RPS6KC1: variants seen among roughly 807,000 people sequenced by gnomAD.
The protein encoded by RPS6KC1 is ribosomal protein S6 kinase C1.
RPS6KC1 carries 54 observed loss-of-function variants against 103.8 expected under a neutral mutation model. That is an observed-to-expected ratio of 0.52 (90% CI 0.42 to 0.65). RPS6KC1 has a LOEUF of 0.65. Ranked by LOEUF, RPS6KC1 falls within the 30% of genes least tolerant of loss-of-function variation. The pLI, the probability that RPS6KC1 is intolerant of heterozygous loss-of-function variation, is 0.00. For missense variants in RPS6KC1, 1,151 were observed against 1,253.8 expected (o/e 0.92, Z 1.24); for synonymous variants, 439 against 438.7 (o/e 1.00, Z -0.01).
chr1:213,756,939 T>G, the RPS6KC1 span, among the ~76,000 whole-genome samples: 1 of 152,128 alleles, frequency 6.6e-6, no homozygotes, highest in Non-Finnish European at 1.5e-5. Context: ...TTATATCTGT[T>G]ATAGTGATCT....
the RPS6KC1 span, among the ~76,000 whole-genome samples, chr1:213,761,296 C>T: frequency 6.6e-6 from 1 of 152,132 alleles, no homozygotes; most frequent in Non-Finnish European, 1.5e-5. Context: ...TGTTGTTTAG[C>T]TCAAAAGCAC....
the RPS6KC1 span, among the ~76,000 whole-genome samples, chr1:213,346,311 A>G: frequency 4.6e-5 from 7 of 152,210 alleles, no homozygotes; most frequent in African/African-American, 1.7e-4. Context: ...AAGGCACAGA[A>G]GACTTAAAAT....
the RPS6KC1 span, among the ~76,000 whole-genome samples, chr1:213,280,323 T>G: frequency 6.6e-6 from 1 of 152,216 alleles, no homozygotes; most frequent in Non-Finnish European, 1.5e-5. Context: ...GTAGACAGCT[T>G]CTGTTACCCA....
chr1:213,355,520 T>G, the RPS6KC1 span, among the ~76,000 whole-genome samples: 1 of 152,166 alleles, frequency 6.6e-6, no homozygotes, highest in African/African-American at 2.4e-5. Context: ...AGTCATTTTT[T>G]GTGATAAGTG....
In RPS6KC1 at chr1:213,232,253, A is replaced by C. The variant is rs2094121610; in HGVS notation, c.1223A>C (p.Glu408Ala). ...GTATTTCTTGTGCTGCAGCATGCGG[A>C]AGGTTGGTTTGTAGTTTGGATTGTT... ...ESVFLVLQHAEGGKLWSYISK... is the reference protein window; with the variant it reads ...ESVFLVLQHAAGGKLWSYISK... Residue 408 changes from glutamate (E) to alanine (A), a missense_variant and splice_region_variant, in exon 10 of 15, where the codon GAA (glutamate) becomes GCA (alanine). Around this residue, in one of 3 missense-constraint regions of RPS6KC1, gnomAD observed 959 missense variants for 1,006.3 expected, o/e 0.95. Coordinates refer to ENST00000366960, the MANE Select transcript of RPS6KC1 (RefSeq NM_012424.6). 1 of 1,613,840 alleles carries C rather than the reference A, an allele frequency of 6.2e-7. No homozygotes were observed. The highest frequency in any genetic ancestry group is 2.2e-5 in the East Asian group (1 of 44,876).
chr1:213,601,164 C>G, the RPS6KC1 span, among the ~76,000 whole-genome samples: 1 of 151,926 alleles, frequency 6.6e-6, no homozygotes, highest in Non-Finnish European at 1.5e-5. Context: ...AGATCTGATT[C>G]AATCAAAATG....
the RPS6KC1 span, among the ~76,000 whole-genome samples, chr1:213,788,609 G>A: frequency 6.6e-6 from 1 of 152,064 alleles, no homozygotes; most frequent in Non-Finnish European, 1.5e-5. Context: ...AGAACTACAG[G>A]AAACTTCAGA....
the RPS6KC1 span, among the ~76,000 whole-genome samples, chr1:213,551,372 AAAGGAGCCCT>A: frequency 1.3e-5 from 2 of 152,166 alleles, no homozygotes; most frequent in African/African-American, 4.8e-5. Flanking sequence ...ACCAGGAAGT[AAAGGAGCCCT>A]CCACGGTGGT....
the RPS6KC1 span, among the ~76,000 whole-genome samples, chr1:213,432,486 A>C: frequency 6.6e-6 from 1 of 152,192 alleles, no homozygotes; most frequent in East Asian, 1.9e-4. Context: ...TAAATGACAC[A>C]CAATAAATGA....
chr1:213,675,324 G>A, the RPS6KC1 span, among the ~76,000 whole-genome samples: 1 of 152,112 alleles, frequency 6.6e-6, no homozygotes, highest in African/African-American at 2.4e-5. Flanking sequence ...GGAGTCCTCG[G>A]GAGGCTACTA....
the RPS6KC1 span, among the ~76,000 whole-genome samples, chr1:213,631,632 T>C: frequency 2.0e-5 from 3 of 152,298 alleles, no homozygotes; most frequent in African/African-American, 7.2e-5. Context: ...TAAATTTTCT[T>C]TTTAAATGGC....
At chr1:213,820,593 T>C in the RPS6KC1 span, 1 of 152,192 alleles carries the variant, frequency 6.6e-6, no homozygotes. Context: ...CTCTGTCTTC[T>C]AGTGTGGCCA....
At chr1:213,506,129 G>T in the RPS6KC1 span, among the ~76,000 whole-genome samples, 1 of 152,174 alleles carries the variant, frequency 6.6e-6, no homozygotes, top group Non-Finnish European at 1.5e-5. Context: ...GGGCAAGATG[G>T]TGCCATGCTT....
At chr1:213,286,157 C>T in the RPS6KC1 span, among the ~76,000 whole-genome samples, 3 of 152,144 alleles carry the variant, frequency 2.0e-5, no homozygotes, top group Non-Finnish European at 4.4e-5. Flanking sequence ...AATAGAAATT[C>T]TCAATATAAA....
chr1:213,377,898 A>G, the RPS6KC1 span, among the ~76,000 whole-genome samples: 4 of 152,220 alleles, frequency 2.6e-5, no homozygotes, highest in African/African-American at 9.6e-5. Flanking sequence ...AATCCTACAC[A>G]TTGGGACTTT....
chr1:213,135,345 T>C lies in RPS6KC1; in HGVS notation c.835+5456T>C, dbSNP rs148929467. Among the ~76,000 whole-genome samples, 235 of 152,302 alleles carry C rather than the reference T, an allele frequency of 1.5e-3. 1 individual carries two copies. The highest frequency in any genetic ancestry group is 3.4e-3 in the Middle Eastern group (1 of 294). ...TATCTCTTGTGTATTTTGTTTATCA[T>C]TGTAATATGGTTGGAAAAGAGGGAC... On this transcript the variant is annotated intron_variant, in intron 6 of 14. Coordinates refer to ENST00000366960, the MANE Select transcript of RPS6KC1 (RefSeq NM_012424.6).
chr1:213,065,214 A>G (rs1359926112), intron 1 of RPS6KC1, among the ~76,000 whole-genome samples: 1 of 151,154 alleles, frequency 6.6e-6, no homozygotes, highest in Admixed American at 6.6e-5. Flanking sequence ...TGACCTCGTG[A>G]TCCACCCTCC....
the RPS6KC1 span, among the ~76,000 whole-genome samples, chr1:213,418,276 C>T: frequency 1.3e-5 from 2 of 152,110 alleles, no homozygotes; most frequent in African/African-American, 2.4e-5. Flanking sequence ...TGCCCAGGGT[C>T]GTGTGTAACA....
chr1:213,347,286 A>G, the RPS6KC1 span, among the ~76,000 whole-genome samples: 1 of 152,248 alleles, frequency 6.6e-6, no homozygotes, highest in South Asian at 2.1e-4. Context: ...TTTACAAAAG[A>G]TCTGACAAGA....
Sources: gnomAD v4.1 joint callset for allele counts (sites outside exome capture counted in the v4.1 genomes callset) on GRCh38, gnomAD v4.1.1 for gene constraint, gnomAD v4.1.1 regional missense constraint, MANE v1.5 for transcripts, NCBI Gene and HGNC (gene_info 2026-07-23, HGNC 2026-07-21) for gene names.